The following PDSS1 variants were observed in gnomAD, a reference collection of about 807,000 sequenced individuals.
The protein encoded by PDSS1 is decaprenyl diphosphate synthase subunit 1, also known as all trans-polyprenyl-diphosphate synthase PDSS1.
Under a neutral mutation model 57.5 loss-of-function variants are expected in PDSS1, and 43 were observed. The ratio of observed to expected loss-of-function variants is 0.75; its 90% CI spans 0.59 to 0.96. The LOEUF is 0.96. PDSS1 is among the 50% of genes least tolerant of loss of function. The pLI is 0.00. For synonymous variants in PDSS1, 175 were observed against 191.3 expected, an observed-to-expected ratio of 0.91 and a Z score of 0.70; for missense variants, 438 against 527.8, an observed-to-expected ratio of 0.83 and a Z score of 1.67.
At chr10:26,707,712 C>A in intron 4 of PDSS1, among the ~76,000 whole-genome samples, 1 of 152,308 alleles carries the variant, frequency 6.6e-6, no homozygotes, top group South Asian at 2.1e-4. Context: ...TCCATACTTA[C>A]GTCTCTCAAA....
At chr10:26,716,964 A>T (rs1414818701) in intron 5 of PDSS1, among the ~76,000 whole-genome samples, 1 of 152,168 alleles carries the variant, frequency 6.6e-6, no homozygotes, top group Admixed American at 6.5e-5. Context: ...CATCTTAAGG[A>T]CAGTGTGAGG....
intron 8 of PDSS1, among the ~76,000 whole-genome samples, chr10:26,724,458 CTCTT>C (rs1385703201): frequency 3.9e-5 from 6 of 152,222 alleles, no homozygotes; most frequent in Non-Finnish European, 8.8e-5. Context: ...ATCACACACA[CTCTT>C]TCTGACACTT....
chr10:26,703,237 G>A (rs186265058), intron 2 of PDSS1, among the ~76,000 whole-genome samples: 47 of 152,232 alleles, frequency 3.1e-4, no homozygotes, highest in African/African-American at 6.0e-4. Context: ...GGTAAAAAGC[G>A]TCCCCTGTAT....
chr10:26,700,904 A>G (rs11015233), intron 1 of PDSS1, among the ~76,000 whole-genome samples: 3,837 of 152,250 alleles, frequency 0.025, 129 homozygotes, highest in South Asian at 0.14. Context: ...GGTAACAAGC[A>G]GAGGTTGGAA....
intron 2 of PDSS1, among the ~76,000 whole-genome samples, 175 bp from the exon 3 acceptor site, chr10:26,704,502 C>T (rs1056065956): frequency 1.3e-5 from 2 of 152,072 alleles, no homozygotes; most frequent in African/African-American, 4.8e-5. Flanking sequence ...TCTGCAATGA[C>T]AAGTATTTTG....
At chr10:26,740,065 C>A (rs1836533783) in intron 10 of PDSS1, among the ~76,000 whole-genome samples, 1 of 151,028 alleles carries the variant, frequency 6.6e-6, no homozygotes, top group East Asian at 1.9e-4. Context: ...TCATTTGAAC[C>A]CGGGAGGCGG....
At position 26,746,382 on chromosome 10, in the gene PDSS1, A is replaced by G. The variant is rs115687408; in HGVS notation, c.1157A>G (p.Glu386Gly). The G allele has an allele frequency of 4.2e-5, 68 of 1,614,092 alleles. No homozygotes were observed. In the East Asian group the frequency reaches 1.4e-3, roughly 33 times the overall value. ...TACCTCGCCCAGCAGTACTGCCATG[A>G]AGCAATAAGAGAGATCAGTAAACTT... ...TTYLAQQYCHEAIREISKLRP... is the reference protein window; with the variant it reads ...TTYLAQQYCHGAIREISKLRP... Residue 386 changes from glutamate (E) to glycine (G), a missense_variant, in exon 12 of 12, where the codon GAA (glutamate) becomes GGA (glycine). Around this residue, in one of 2 missense-constraint regions of PDSS1, gnomAD observed 284 missense variants for 390.7 expected, o/e 0.73. Coordinates refer to ENST00000376215, the MANE Select transcript of PDSS1 (RefSeq NM_014317.5).
chr10:26,736,657 G>A (rs1174685427), intron 10 of PDSS1, among the ~76,000 whole-genome samples: 1 of 152,146 alleles, frequency 6.6e-6, no homozygotes, highest in Non-Finnish European at 1.5e-5. Flanking sequence ...CGTTCTGGGT[G>A]GCTGGACCAG....
intron 4 of PDSS1, among the ~76,000 whole-genome samples, chr10:26,708,336 G>A (rs1564418800): frequency 2.6e-5 from 4 of 152,150 alleles, no homozygotes; most frequent in African/African-American, 2.4e-5. Flanking sequence ...ACACACACCC[G>A]TCAGCCGGAA....
rs193030103 is a variant in PDSS1, at chr10:26,723,472, T to C, written c.610-334T>C. 7.8e-3 allele frequency among the ~76,000 whole-genome samples: 1,181 copies of C among 152,300 alleles called. 4 individuals are homozygous for C. Among genetic ancestry groups the C allele is most frequent in the Middle Eastern group, 0.024 (7 of 294 alleles). ...CTGAGAGCCAATACAGTTCAAGTACTGTCCCAAATCTGTAACCGATTATTA... is the reference window on the plus strand; with the variant it reads ...CTGAGAGCCAATACAGTTCAAGTACCGTCCCAAATCTGTAACCGATTATTA... On this transcript the variant is annotated intron_variant, in intron 6 of 11. Coordinates refer to ENST00000376215, the MANE Select transcript of PDSS1 (RefSeq NM_014317.5).
chr10:26,709,942 G>A (rs994856022), intron 5 of PDSS1, among the ~76,000 whole-genome samples, 174 bp downstream of exon 5: 1 of 152,016 alleles, frequency 6.6e-6, no homozygotes, highest in African/African-American at 2.4e-5. Context: ...CGTGAGATCA[G>A]GAGTTTGAGA....
At chr10:26,725,570 GA>G (rs1415275340) in intron 8 of PDSS1, among the ~76,000 whole-genome samples, 2 of 151,932 alleles carry the variant, frequency 1.3e-5, no homozygotes, top group Non-Finnish European at 1.5e-5. Context: ...TGCTAAATAA[GA>G]GAATAGCCTA....
intron 8 of PDSS1, among the ~76,000 whole-genome samples, chr10:26,729,139 G>T (rs373244160): frequency 6.6e-6 from 1 of 152,036 alleles, no homozygotes; most frequent in African/African-American, 2.4e-5. Context: ...ATTATCCAAC[G>T]TATGGCCAGT....
At position 26,712,007 on chromosome 10, in the gene PDSS1, T is replaced by C. The variant is rs1017300598; in HGVS notation, c.467+2239T>C. Among the ~76,000 whole-genome samples, 19 of 79,672 alleles carry C rather than the reference T, an allele frequency of 2.4e-4. 7 individuals carry two copies. Among genetic ancestry groups the C allele is most frequent in the East Asian group, 9.1e-4 (3 of 3,306 alleles). 52.3% of individuals were successfully genotyped at this position (79,672 alleles called of 152,430 possible). Reference sequence around the variant, plus strand: ...AGTTTTTCTTTTTCTTTTTCTTTTTTTTTTTTTTTTTTGAGATGGAGTCTC... The same window carrying C: ...AGTTTTTCTTTTTCTTTTTCTTTTTCTTTTTTTTTTTTGAGATGGAGTCTC... On this transcript the variant is annotated intron_variant, in intron 5 of 11. Transcript: ENST00000376215.
intron 4 of PDSS1, among the ~76,000 whole-genome samples, chr10:26,709,371 C>A (rs1310121688): frequency 6.6e-6 from 1 of 152,106 alleles, no homozygotes. Context: ...ACCAGCCTGG[C>A]CAACGTGGTG....
At chr10:26,726,385 GT>G (rs1189455821) in intron 8 of PDSS1, among the ~76,000 whole-genome samples, 1 of 152,220 alleles carries the variant, frequency 6.6e-6, no homozygotes, top group Non-Finnish European at 1.5e-5. Flanking sequence ...CAAAATGATA[GT>G]GTGAGCTATT....
intron 8 of PDSS1, among the ~76,000 whole-genome samples, chr10:26,732,982 G>A (rs1199772581): frequency 1.3e-5 from 2 of 152,204 alleles, no homozygotes; most frequent in East Asian, 1.9e-4. Context: ...GGTGGCATAC[G>A]GAGGTTGAGG....
At chr10:26,743,604 T>C (rs1836704244) in intron 11 of PDSS1, among the ~76,000 whole-genome samples, 1 of 152,174 alleles carries the variant, frequency 6.6e-6, no homozygotes, top group African/African-American at 2.4e-5. Flanking sequence ...AGGTTCTGGC[T>C]TCAGAAATAA....
intron 8 of PDSS1, among the ~76,000 whole-genome samples, chr10:26,732,114 A>G (rs911604737): frequency 4.6e-5 from 7 of 152,348 alleles, no homozygotes; most frequent in African/African-American, 1.4e-4. Flanking sequence ...ATCATTCTTC[A>G]TGCTCCACCC....
Sources: allele counts gnomAD v4.1 joint callset (sites outside exome capture counted in the v4.1 genomes callset), GRCh38; gene constraint gnomAD v4.1.1; regional missense constraint gnomAD v4.1.1; transcripts MANE v1.5; gene names NCBI Gene and HGNC (gene_info 2026-07-23, HGNC 2026-07-21).